The following PABIR3 variants were observed in gnomAD, a reference collection of about 807,000 sequenced individuals.
PABIR3 encodes the protein PABIR family member 1.
In PABIR3, 20 loss-of-function variants were observed where a neutral mutation model predicts 23.1. The observed-to-expected ratio is 0.86, with a 90% CI of 0.61 to 1.26. The LOEUF (loss-of-function observed/expected upper bound fraction) is 1.26. Ranked by LOEUF, PABIR3 falls within the 50% of genes most tolerant of loss-of-function variation. The pLI is 0.00. For synonymous variants in PABIR3, 69 were observed against 68.5 expected (o/e 1.01, Z -0.04); for missense variants, 189 against 195.4 (o/e 0.97, Z 0.20).
upstream of PABIR3, among the ~76,000 whole-genome samples, chrX:134,805,717 G>A (rs997171423): frequency 9.0e-6 from 1 of 110,993 alleles, no homozygotes; most frequent in South Asian, 3.8e-4. Flanking sequence ...GACCAACATG[G>A]AGAAACCCCA....
At chrX:134,826,214 T>C (rs889222138) in intron 3 of PABIR3, among the ~76,000 whole-genome samples, 1 of 111,490 alleles carries the variant, frequency 9.0e-6, no homozygotes, top group African/African-American at 3.3e-5. Context: ...CTCCACGAAC[T>C]TGGTGTGCCA....
chrX:134,835,789 G>C (rs1338155487), intron 4 of PABIR3: 2 of 111,127 alleles, frequency 1.8e-5, no homozygotes, highest in African/African-American at 6.5e-5. Context: ...AACTAGCTAG[G>C]ACTACAGGTG....
intron 2 of PABIR3, chrX:134,809,620 T>C: frequency 1.3e-6 from 1 of 749,249 alleles, no homozygotes. Context: ...ATCATACTAA[T>C]TGATAGTTGT....
At chrX:134,853,078 T>C (rs1190984655) in intron 10 of PABIR3, among the ~76,000 whole-genome samples, 182 bp downstream of exon 10, 1 of 111,665 alleles carries the variant, frequency 9.0e-6, no homozygotes, top group Non-Finnish European at 1.9e-5. Flanking sequence ...TTTTTTCTTT[T>C]TCTGAGGCAG....
chrX:134,842,350 T>C (rs34840859), intron 4 of PABIR3, among the ~76,000 whole-genome samples: 3,213 of 112,181 alleles, frequency 0.029, 47 homozygotes, highest in Non-Finnish European at 0.047. Context: ...GGCTCACACC[T>C]GTAATCCTAG....
chrX:134,858,782 AC>A (rs2082760433), downstream of PABIR3, among the ~76,000 whole-genome samples: 1 of 111,733 alleles, frequency 8.9e-6, no homozygotes, highest in Non-Finnish European at 1.9e-5. Context: ...CCAAGGGTAA[AC>A]AAGATTGATT....
At chrX:134,802,836 C>T (rs2080101617), upstream of PABIR3, among the ~76,000 whole-genome samples, 1 of 112,787 alleles carries the variant, frequency 8.9e-6, no homozygotes, top group Non-Finnish European at 1.9e-5. Flanking sequence ...AGAATTTGTC[C>T]TCTGGAAGAC....
the PABIR3 span, among the ~76,000 whole-genome samples, chrX:134,862,627 A>G: frequency 1.8e-5 from 2 of 111,946 alleles, no homozygotes; most frequent in Non-Finnish European, 3.8e-5. Context: ...ATTTTTCCAC[A>G]TGGACTGTCT....
chrX:134,825,582 T>G (rs1370276795), intron 3 of PABIR3, among the ~76,000 whole-genome samples: 1 of 111,960 alleles, frequency 8.9e-6, no homozygotes, highest in Non-Finnish European at 1.9e-5. Context: ...ATTACAAATT[T>G]CCTTAAGATA....
chrX:134,822,832 G>C (rs2081348211), intron 3 of PABIR3: 1 of 162,992 alleles, frequency 6.1e-6, no homozygotes, highest in Admixed American at 9.6e-5. Context: ...TTACTACCTG[G>C]GTGATGAAAT....
intron 2 of PABIR3, among the ~76,000 whole-genome samples, chrX:134,814,569 G>A (rs1184706971): frequency 9.1e-6 from 1 of 110,303 alleles, no homozygotes; most frequent in Non-Finnish European, 1.9e-5. Context: ...ATGGTGGTGC[G>A]TGCCTGTAAT....
intron 4 of PABIR3, among the ~76,000 whole-genome samples, chrX:134,841,730 G>A (rs1035676301): frequency 9.0e-6 from 1 of 110,659 alleles, no homozygotes; most frequent in African/African-American, 3.3e-5. Flanking sequence ...TCGGGAGTCT[G>A]AGGCAGGAGA....
intron 4 of PABIR3, chrX:134,834,134 A>C (rs967896748): frequency 8.9e-6 from 1 of 112,216 alleles, no homozygotes; most frequent in Admixed American, 9.5e-5. Context: ...ATTCCCACCA[A>C]CAATGTAAAA....
intron 9 of PABIR3, among the ~76,000 whole-genome samples, chrX:134,849,553 G>A (rs757317245): frequency 1.4e-3 from 158 of 111,609 alleles, no homozygotes; most frequent in African/African-American, 4.5e-3. Context: ...AACAGAGTGA[G>A]TCAGTCATCA....
downstream of PABIR3, among the ~76,000 whole-genome samples, chrX:134,856,678 G>A (rs1217548214): frequency 9.0e-6 from 1 of 111,476 alleles, no homozygotes; most frequent in African/African-American, 3.3e-5. Context: ...CAAAATGATT[G>A]TAACTTTTAC....
chrX:134,861,806 A>G, the PABIR3 span, among the ~76,000 whole-genome samples: 1 of 111,778 alleles, frequency 8.9e-6, no homozygotes, highest in South Asian at 3.7e-4. Flanking sequence ...GGGGAAGTCC[A>G]TGGTCAAGTA....
At chrX:134,846,270 A>G (rs2082432788) in intron 6 of PABIR3, among the ~76,000 whole-genome samples, 1 of 112,108 alleles carries the variant, frequency 8.9e-6, no homozygotes, top group Non-Finnish European at 1.9e-5. Context: ...GGTTCCTTCC[A>G]CAACACGTGG....
intron 9 of PABIR3, among the ~76,000 whole-genome samples, chrX:134,850,769 C>T (rs995416778): frequency 6.3e-5 from 7 of 111,807 alleles, no homozygotes; most frequent in African/African-American, 1.3e-4. Context: ...CCAGTGTCTT[C>T]GGAGATGTGA....
At chrX:134,843,769 A>G (rs112852062) in intron 4 of PABIR3, among the ~76,000 whole-genome samples, 1,355 of 107,765 alleles carry the variant, frequency 0.013, 21 homozygotes, top group African/African-American at 0.044. Context: ...GGGTTTCACC[A>G]TGTTAGCCAG....
Sources: allele counts gnomAD v4.1 joint callset (sites outside exome capture counted in the v4.1 genomes callset), GRCh38; gene constraint gnomAD v4.1.1; transcripts MANE v1.5; gene names NCBI Gene and HGNC (gene_info 2026-07-23, HGNC 2026-07-21).